Variants in GRIN2B observed in about 807,000 individuals in gnomAD.
GRIN2B encodes glutamate ionotropic receptor NMDA type subunit 2B.
GRIN2B carries 5 observed loss-of-function variants against 114.5 expected under a neutral mutation model. That is an observed-to-expected ratio of 0.04 (90% confidence interval 0.02 to 0.09). The LOEUF (loss-of-function observed/expected upper bound fraction) is 0.09, where lower values mean the gene tolerates loss of function less well. GRIN2B is among the 10% of genes least tolerant of loss of function. The pLI is 1.00. For missense variants in GRIN2B, 1,108 were observed against 1,943.5 expected (o/e 0.57, Z 8.08); for synonymous variants, 787 against 745.1 (o/e 1.06, Z -0.92).
Position 13,812,657 on chromosome 12 carries a change from G to C in GRIN2B, c.411+53141C>G, listed in dbSNP as rs1388137877. Among the ~76,000 whole-genome samples the C allele has an allele frequency of 2.6e-5, 4 of 152,090 alleles. No individual in the cohort carries two copies. In the East Asian group the frequency reaches 5.8e-4, roughly 22 times the overall value. The stretch of plus-strand genomic sequence containing the variant: ...TTAATCTATTAAGTCTGAGGAAGCT[G>C]TAAGAGATTAGAGCACAACCTCTGA... On this transcript the variant is annotated intron_variant, in intron 3 of 13. Coordinates refer to ENST00000609686, the MANE Select transcript of GRIN2B (RefSeq NM_000834.5).
At position 13,584,606 on chromosome 12, in the gene GRIN2B, C is replaced by T. The variant is rs199720260; in HGVS notation, c.2011-12642G>A. 9.0e-4 allele frequency among the ~76,000 whole-genome samples: 137 copies of T among 152,282 alleles called. 1 individual carries two copies. The highest frequency in any genetic ancestry group is 3.0e-3 in the African/African-American group (126 of 41,562). On this transcript the variant is annotated intron_variant, in intron 10 of 13. Transcript: ENST00000609686. ...CTGGTGAATAAGGAGTTAATGTGTC[C>T]TAATGCCAGTCAAGGACATCTTTCC...
At chr12:13,785,955 A>G (rs1050759419) in intron 3 of GRIN2B, among the ~76,000 whole-genome samples, 4 of 152,206 alleles carry the variant, frequency 2.6e-5, no homozygotes, top group Non-Finnish European at 5.9e-5. Flanking sequence ...ATGGAAATAA[A>G]CTAAACTAGG....
chr12:13,735,534 C>G (rs1863162323), intron 4 of GRIN2B, among the ~76,000 whole-genome samples: 1 of 152,170 alleles, frequency 6.6e-6, no homozygotes, highest in Non-Finnish European at 1.5e-5. Flanking sequence ...GCAGGGTTTT[C>G]ATTGTCTCAT....
At chr12:13,640,711 A>G (rs1949707190) in intron 5 of GRIN2B, among the ~76,000 whole-genome samples, 1 of 152,174 alleles carries the variant, frequency 6.6e-6, no homozygotes, top group African/African-American at 2.4e-5. Context: ...ACCATTCTGA[A>G]CTATCTATTA....
intron 3 of GRIN2B, among the ~76,000 whole-genome samples, chr12:13,841,196 T>C (rs796652528): frequency 6.6e-5 from 10 of 152,306 alleles, no homozygotes; most frequent in African/African-American, 2.2e-4. Flanking sequence ...TCTCATTGTA[T>C]GGCTGAAGAA....
chr12:13,577,685 T>C (rs1948795296), intron 10 of GRIN2B, among the ~76,000 whole-genome samples: 1 of 152,266 alleles, frequency 6.6e-6, no homozygotes, highest in Non-Finnish European at 1.5e-5. Flanking sequence ...ATGTATGTAC[T>C]GGGTATAAGT....
chr12:13,868,870 G>T (rs949747658), intron 2 of GRIN2B, among the ~76,000 whole-genome samples: 1 of 152,188 alleles, frequency 6.6e-6, no homozygotes, highest in Admixed American at 6.5e-5. Flanking sequence ...TAGCAGAGGG[G>T]CTGTGAGACA....
chr12:13,783,493 C>T (rs1864160355), intron 3 of GRIN2B, among the ~76,000 whole-genome samples: 1 of 117,524 alleles, frequency 8.5e-6, no homozygotes, highest in South Asian at 3.1e-4. Context: ...TGAAATGCCA[C>T]CTTTGTTCCA....
At chr12:13,596,095 T>G (rs1949069679) in intron 10 of GRIN2B, among the ~76,000 whole-genome samples, 1 of 152,078 alleles carries the variant, frequency 6.6e-6, no homozygotes, top group African/African-American at 2.4e-5. Flanking sequence ...GCAGAGTCCT[T>G]CATGACACAA....
chr12:13,822,896 T>C (rs1411059705), intron 3 of GRIN2B, among the ~76,000 whole-genome samples: 2 of 152,154 alleles, frequency 1.3e-5, no homozygotes, highest in Non-Finnish European at 2.9e-5. Context: ...AGGATCATTT[T>C]ATTCCATTTG....
At chr12:13,640,826 C>T (rs552800794) in intron 5 of GRIN2B, among the ~76,000 whole-genome samples, 1 of 152,088 alleles carries the variant, frequency 6.6e-6, no homozygotes, top group South Asian at 2.1e-4. Context: ...AAGGACAGCA[C>T]TCATTACCTA....
At chr12:13,690,313 A>ACACG (rs1950205534) in intron 4 of GRIN2B, among the ~76,000 whole-genome samples, 1 of 133,342 alleles carries the variant, frequency 7.5e-6, no homozygotes, top group African/African-American at 2.6e-5. Context: ...ACACACACAC[A>ACACG]CACATGCACA....
At position 13,559,890 on chromosome 12, in the gene GRIN2B, T is replaced by A. The variant is rs1318203369; in HGVS notation, c.*2893A>T. On this transcript the variant is annotated 3_prime_UTR_variant, in exon 14 of 14. Transcript: ENST00000609686. Reference sequence around the variant, plus strand: ...GCTGGGAGATTTCTCAGGATTGAGCTTCCTGAAACCTTTCAGTCACGCCAA... The same window carrying A: ...GCTGGGAGATTTCTCAGGATTGAGCATCCTGAAACCTTTCAGTCACGCCAA... 1.3e-5 allele frequency: 2 copies of A among 152,188 alleles called. No homozygotes were observed. Among genetic ancestry groups the A allele is most frequent in the African/African-American group, 4.8e-5 (2 of 41,428 alleles). The allele number at this position is 152,188 out of a possible 1,614,324, so 9.4% of individuals were successfully genotyped here.
intron 3 of GRIN2B, among the ~76,000 whole-genome samples, chr12:13,850,574 C>T (rs1049331605): frequency 4.6e-5 from 7 of 152,164 alleles, no homozygotes; most frequent in Non-Finnish European, 1.5e-5. Context: ...TCCCTTTCTA[C>T]TTCTTGTCTT....
intron 3 of GRIN2B, among the ~76,000 whole-genome samples, chr12:13,861,391 TA>T (rs1865748750): frequency 6.6e-6 from 1 of 152,076 alleles, no homozygotes; most frequent in African/African-American, 2.4e-5. Flanking sequence ...CTCCTAGAAA[TA>T]AATGGAAATA....
chr12:13,939,286 G>A (rs1038046556), intron 2 of GRIN2B, among the ~76,000 whole-genome samples: 10 of 152,116 alleles, frequency 6.6e-5, no homozygotes, highest in African/African-American at 2.4e-4. Flanking sequence ...AGTGTTGGAG[G>A]TGGGGCTTGA....
At chr12:13,612,135 A>G (rs765992532) in intron 8 of GRIN2B, among the ~76,000 whole-genome samples, 2 of 152,194 alleles carry the variant, frequency 1.3e-5, no homozygotes, top group Non-Finnish European at 2.9e-5. Context: ...TATTTCAGTA[A>G]ATGGTGCAAT....
intron 2 of GRIN2B, among the ~76,000 whole-genome samples, chr12:13,913,770 T>C (rs1046323471): frequency 2.0e-5 from 3 of 152,168 alleles, no homozygotes; most frequent in Admixed American, 6.5e-5. Flanking sequence ...CCACTGTAAA[T>C]GCTTAGTGGA....
At chr12:13,938,580 CAATAA>C (rs1867171947) in intron 2 of GRIN2B, among the ~76,000 whole-genome samples, 1 of 152,016 alleles carries the variant, frequency 6.6e-6, no homozygotes, top group Non-Finnish European at 1.5e-5. Context: ...CTGATATGTG[CAATAA>C]AATAGGCAAA....
Sources: gnomAD v4.1 joint callset for allele counts (sites outside exome capture counted in the v4.1 genomes callset) on GRCh38, gnomAD v4.1.1 for gene constraint, MANE v1.5 for transcripts, NCBI Gene and HGNC (gene_info 2026-07-23, HGNC 2026-07-21) for gene names.